Variants in GABRA4 observed in about 807,000 individuals in gnomAD.
The protein encoded by GABRA4 is gamma-aminobutyric acid receptor subunit alpha-4.
Under a neutral mutation model 49.7 loss-of-function variants are expected in GABRA4, and 12 were observed. The ratio of observed to expected loss-of-function variants is 0.24; its 90% CI spans 0.15 to 0.39. The LOEUF (loss-of-function observed/expected upper bound fraction) is 0.39, where lower values mean the gene tolerates loss of function less well. Ranked by LOEUF, GABRA4 falls within the 10% of genes least tolerant of loss-of-function variation. GABRA4 has a pLI of 1.00. For missense variants in GABRA4, 506 were observed against 686.0 expected (o/e 0.74, Z 2.93); for synonymous variants, 288 against 240.2 (o/e 1.20, Z -1.84).
At chr4:46,977,952 A>G (rs968365141) in intron 3 of GABRA4, among the ~76,000 whole-genome samples, 3 of 152,100 alleles carry the variant, frequency 2.0e-5, no homozygotes, top group African/African-American at 7.2e-5. Context: ...TTTACTTTAG[A>G]CTAGATAGCA....
At chr4:46,965,529 T>C (rs1306401567) in intron 7 of GABRA4, among the ~76,000 whole-genome samples, 1 of 151,774 alleles carries the variant, frequency 6.6e-6, no homozygotes, top group Non-Finnish European at 1.5e-5. Context: ...TTGGGTTTTC[T>C]ATAAAGGTTA....
In GABRA4 at chr4:46,977,136, T is replaced by C. The variant is rs746382639; in HGVS notation, c.502A>G (p.Ile168Val). 9 of 1,601,954 alleles carry C rather than the reference T, an allele frequency of 5.6e-6. No individual in the cohort carries two copies. Among genetic ancestry groups the C allele is most frequent in the Admixed American group, 1.7e-5 (1 of 59,402 alleles). Residue 168 changes from isoleucine (I) to valine (V), a missense_variant, in exon 5 of 9, where the codon ATA becomes GTA. This residue lies in a region of GABRA4 where 195 missense variants were observed against 326.0 expected (regional missense o/e 0.60). Coordinates refer to ENST00000264318, the MANE Select transcript of GABRA4 (RefSeq NM_000809.4). The part of the protein sequence containing the change: ...GTILYTMRLT[I>V]SAECPMRLVD... Reference sequence around the variant, plus strand: ...AATCTCATGGGACACTCCGCACTTATGGTGAGTCTATGATGAAAAATGCAA... The same window carrying C: ...AATCTCATGGGACACTCCGCACTTACGGTGAGTCTATGATGAAAAATGCAA...
chr4:46,948,864 C>T (rs1722068342), intron 8 of GABRA4, among the ~76,000 whole-genome samples: 1 of 151,928 alleles, frequency 6.6e-6, no homozygotes, highest in Non-Finnish European at 1.5e-5. Flanking sequence ...AGGATTTCAC[C>T]TCTCACCTTC....
intron 8 of GABRA4, among the ~76,000 whole-genome samples, chr4:46,957,886 T>C (rs1419482228): frequency 6.6e-6 from 1 of 152,000 alleles, no homozygotes; most frequent in African/African-American, 2.4e-5. Flanking sequence ...AATTCAAGTA[T>C]AGACTAAATG....
chr4:46,948,621 A>G (rs1356760883), intron 8 of GABRA4, among the ~76,000 whole-genome samples: 11 of 152,104 alleles, frequency 7.2e-5, no homozygotes. Context: ...TCGGTCTATC[A>G]AGCAGATTAC....
intron 2 of GABRA4, among the ~76,000 whole-genome samples, chr4:46,987,242 G>A (rs1049520164): frequency 1.3e-5 from 2 of 152,014 alleles, no homozygotes; most frequent in Non-Finnish European, 2.9e-5. Flanking sequence ...CACTTTACAT[G>A]TTTGCACTTA....
intron 2 of GABRA4, among the ~76,000 whole-genome samples, chr4:46,988,942 A>T (rs1723639214): frequency 6.6e-6 from 1 of 152,190 alleles, no homozygotes; most frequent in Non-Finnish European, 1.5e-5. Context: ...TTTCTAACAG[A>T]ATGATGATGT....
intron 8 of GABRA4, among the ~76,000 whole-genome samples, chr4:46,932,172 C>A (rs1470133147): frequency 6.6e-6 from 1 of 152,066 alleles, no homozygotes; most frequent in East Asian, 1.9e-4. Flanking sequence ...GGCACTGTTG[C>A]CTAATCCACA....
chr4:46,947,190 T>C (rs746010696), intron 8 of GABRA4, among the ~76,000 whole-genome samples: 16 of 152,038 alleles, frequency 1.1e-4, no homozygotes, highest in Admixed American at 2.6e-4. Context: ...CTTTTTAAGA[T>C]ATTCTTTGCC....
In GABRA4 at chr4:46,928,708, A is replaced by T; in HGVS notation, c.1182T>A (p.Val394=). 6.2e-7 allele frequency: 1 copy of T among 1,613,004 alleles called. No individual in the cohort carries two copies. Among genetic ancestry groups the T allele is most frequent in the Non-Finnish European group, 8.5e-7 (1 of 1,179,364 alleles). The change falls in exon 9 of 9, where the codon GTT becomes GTA. Residue 394 remains valine, a synonymous_variant. Transcript: ENST00000264318. ...TGTTGCCAACATCAGATTCAGAGTG[A>T]ACCAAAGCATTTGTTCTTTTTCTCA... ...LNMRKRTNAL[V]HSESDVGNRT...
chr4:46,931,455 G>GCTT (rs1721434225), intron 8 of GABRA4, among the ~76,000 whole-genome samples: 2 of 152,076 alleles, frequency 1.3e-5, no homozygotes, highest in Non-Finnish European at 2.9e-5. Context: ...AGACCAGTAT[G>GCTT]CTTCTGGAAT....
At position 46,983,367 on chromosome 4, in the gene GABRA4, A is replaced by G. The variant is rs1295602240; in HGVS notation, c.206-4269T>C. Among the ~76,000 whole-genome samples the G allele has an allele frequency of 3.3e-5, 5 of 152,154 alleles. No homozygotes were observed. The Middle Eastern group carries it at 0.01, about 311-fold the overall frequency. Reference sequence around the variant, plus strand: ...TACAGCATACTGCTTGGGTCTTTCTATCTGTAACAGCAAAGGCAAAATCTT... The same window carrying G: ...TACAGCATACTGCTTGGGTCTTTCTGTCTGTAACAGCAAAGGCAAAATCTT... On this transcript the variant is annotated intron_variant, in intron 2 of 8. Coordinates refer to ENST00000264318, the MANE Select transcript of GABRA4 (RefSeq NM_000809.4).
chr4:46,990,848 G>A (rs904642927), intron 2 of GABRA4, among the ~76,000 whole-genome samples: 7 of 152,170 alleles, frequency 4.6e-5, no homozygotes, highest in South Asian at 2.1e-4. Flanking sequence ...AAAAGAAGCA[G>A]GAGAAAGTTT....
At chr4:46,990,701 C>T (rs907503031) in intron 2 of GABRA4, among the ~76,000 whole-genome samples, 1 of 152,148 alleles carries the variant, frequency 6.6e-6, no homozygotes, top group African/African-American at 2.4e-5. Context: ...AATGGTATCA[C>T]ATCATCTGAA....
At chr4:46,991,149 G>A (rs1399875193) in intron 2 of GABRA4, among the ~76,000 whole-genome samples, 2 of 152,084 alleles carry the variant, frequency 1.3e-5, no homozygotes, top group East Asian at 3.9e-4. Flanking sequence ...TCACGCCATT[G>A]CACTCCAGCC....
intron 2 of GABRA4, among the ~76,000 whole-genome samples, chr4:46,992,217 A>G (rs1315072365): frequency 6.6e-6 from 1 of 152,206 alleles, no homozygotes; most frequent in Non-Finnish European, 1.5e-5. Context: ...ATTTTGTTGA[A>G]GAAAGCAAGC....
chr4:46,938,004 A>C (rs990643444), intron 8 of GABRA4, among the ~76,000 whole-genome samples: 1 of 152,132 alleles, frequency 6.6e-6, no homozygotes, highest in African/African-American at 2.4e-5. Context: ...CAAAGCATGC[A>C]TTTGTTTAAA....
At chr4:46,941,981 T>C (rs1275306478) in intron 8 of GABRA4, among the ~76,000 whole-genome samples, 1 of 152,174 alleles carries the variant, frequency 6.6e-6, no homozygotes, top group African/African-American at 2.4e-5. Flanking sequence ...AAATATAGCA[T>C]GCTAAAATTT....
chr4:46,942,277 C>G (rs1721829359), intron 8 of GABRA4, among the ~76,000 whole-genome samples: 1 of 152,096 alleles, frequency 6.6e-6, no homozygotes, highest in Admixed American at 6.6e-5. Flanking sequence ...CACTACCAGT[C>G]TGGGGAAAAA....
Sources: gnomAD v4.1 joint callset for allele counts (sites outside exome capture counted in the v4.1 genomes callset) on GRCh38, gnomAD v4.1.1 for gene constraint, gnomAD v4.1.1 regional missense constraint, MANE v1.5 for transcripts, NCBI Gene and HGNC (gene_info 2026-07-23, HGNC 2026-07-21) for gene names.